Variants in CACNA1E observed in about 807,000 individuals in gnomAD.
CACNA1E encodes voltage-dependent R-type calcium channel subunit alpha-1E.
Under a neutral mutation model 259.2 loss-of-function variants are expected in CACNA1E, and 40 were observed. That is an observed-to-expected ratio of 0.15 (90% CI 0.12 to 0.20). The LOEUF (loss-of-function observed/expected upper bound fraction) is 0.20. Among genes scored for constraint, CACNA1E ranks in the 10% least tolerant of loss-of-function variants. CACNA1E has a pLI of 1.00. For missense variants in CACNA1E, 1,874 were observed against 3,040.1 expected (o/e 0.62, Z 9.02); for synonymous variants, 1,104 against 1,138.5 (o/e 0.97, Z 0.61).
chr1:181,700,759 A>G (rs1040413608), intron 7 of CACNA1E, among the ~76,000 whole-genome samples: 2 of 152,144 alleles, frequency 1.3e-5, no homozygotes, highest in Non-Finnish European at 2.9e-5. Flanking sequence ...ATCCCATCCC[A>G]TTTTAATTGC....
At chr1:181,564,778 T>C (rs1332539148) in intron 3 of CACNA1E, among the ~76,000 whole-genome samples, 1 of 152,252 alleles carries the variant, frequency 6.6e-6, no homozygotes, top group Non-Finnish European at 1.5e-5. Flanking sequence ...TCTTGATCCA[T>C]GGACTGCAGA....
chr1:181,608,541 G>A (rs1325063889), intron 6 of CACNA1E, among the ~76,000 whole-genome samples: 1 of 152,150 alleles, frequency 6.6e-6, no homozygotes, highest in Admixed American at 6.5e-5. Flanking sequence ...AGTAGAGGGA[G>A]GCAAGGAATG....
intron 3 of CACNA1E, among the ~76,000 whole-genome samples, chr1:181,541,402 G>A (rs1172083046): frequency 6.6e-6 from 1 of 151,964 alleles, no homozygotes; most frequent in East Asian, 1.9e-4. Flanking sequence ...AGGAGCTAGA[G>A]GTACTAGGAG....
chr1:181,377,923 G>C (rs2609493), intron 1 of CACNA1E, among the ~76,000 whole-genome samples: 78,817 of 152,130 alleles, frequency 0.52, 21,874 homozygotes, highest in African/African-American at 0.73. Context: ...ATTTATTGAA[G>C]CCTAACAATG....
intron 1 of CACNA1E, among the ~76,000 whole-genome samples, chr1:181,489,894 G>A (rs1421528762): frequency 6.6e-6 from 1 of 152,218 alleles, no homozygotes; most frequent in Non-Finnish European, 1.5e-5. Flanking sequence ...ATAGAAACAT[G>A]AGGGGCTTGG....
intron 2 of CACNA1E, among the ~76,000 whole-genome samples, chr1:181,423,053 C>T (rs1197252895): frequency 6.6e-6 from 1 of 152,212 alleles, no homozygotes; most frequent in Admixed American, 6.5e-5. Flanking sequence ...CCTTAGCCAA[C>T]CCCTATAAAA....
At chr1:181,671,656 A>G (rs1648810023) in intron 7 of CACNA1E, among the ~76,000 whole-genome samples, 1 of 152,170 alleles carries the variant, frequency 6.6e-6, no homozygotes, top group Non-Finnish European at 1.5e-5. Flanking sequence ...CCTACAGGAG[A>G]AATGATGCTT....
chr1:181,686,288 T>G (rs1025851538), intron 7 of CACNA1E, among the ~76,000 whole-genome samples: 1 of 132,422 alleles, frequency 7.6e-6, no homozygotes, highest in Non-Finnish European at 1.6e-5. Context: ...TTTTTTTTTT[T>G]TTTTTTTTTT....
chr1:181,607,483 T>C (rs1175754370), intron 6 of CACNA1E, among the ~76,000 whole-genome samples: 3 of 152,220 alleles, frequency 2.0e-5, no homozygotes, highest in African/African-American at 7.2e-5. Context: ...CACTGGTCTG[T>C]ATCCTTGCGA....
At chr1:181,757,651 A>G (rs866110155) in intron 30 of CACNA1E, among the ~76,000 whole-genome samples, 1 of 152,218 alleles carries the variant, frequency 6.6e-6, no homozygotes, top group Non-Finnish European at 1.5e-5. Context: ...TTTACTTCTG[A>G]CTAAGGACAT....
intron 1 of CACNA1E, among the ~76,000 whole-genome samples, chr1:181,332,195 C>T (rs1482685738): frequency 6.6e-6 from 1 of 152,144 alleles, no homozygotes; most frequent in Non-Finnish European, 1.5e-5. Context: ...AGGGGAGCAA[C>T]ACACACTGGG....
chr1:181,355,643 T>C (rs1653373191), intron 1 of CACNA1E, among the ~76,000 whole-genome samples: 1 of 151,368 alleles, frequency 6.6e-6, no homozygotes, highest in African/African-American at 2.4e-5. Context: ...AACCAGACAA[T>C]GAGTACAAAG....
chr1:181,706,537 T>A (rs760219123), intron 7 of CACNA1E, among the ~76,000 whole-genome samples: 11 of 152,246 alleles, frequency 7.2e-5, no homozygotes, highest in Admixed American at 3.3e-4. Flanking sequence ...TGACTAACGC[T>A]ATGAATTTTA....
At chr1:181,376,922 C>T (rs532883952) in intron 1 of CACNA1E, among the ~76,000 whole-genome samples, 2 of 152,264 alleles carry the variant, frequency 1.3e-5, no homozygotes, top group East Asian at 1.9e-4. Flanking sequence ...CAGCTCAGCT[C>T]CTCCTACCAT....
intron 2 of CACNA1E, among the ~76,000 whole-genome samples, chr1:181,424,794 ACT>A (rs1419148066): frequency 6.6e-6 from 1 of 151,726 alleles, no homozygotes; most frequent in Admixed American, 6.6e-5. Context: ...CTCCCCCAAG[ACT>A]CTGCAGCCTG....
upstream of CACNA1E, among the ~76,000 whole-genome samples, chr1:181,482,925 T>C (rs1663419362): frequency 2.0e-5 from 3 of 152,404 alleles, no homozygotes; most frequent in South Asian, 4.1e-4. Context: ...ATGCTGGCAC[T>C]CAGGCTTCGC....
At chr1:181,406,292 C>T (rs1285284537) in intron 1 of CACNA1E, among the ~76,000 whole-genome samples, 2 of 152,182 alleles carry the variant, frequency 1.3e-5, no homozygotes, top group Non-Finnish European at 2.9e-5. Flanking sequence ...AGTTATTTTA[C>T]ATAATAAAAA....
chr1:181,556,596 A>G (rs1421732570), intron 3 of CACNA1E, among the ~76,000 whole-genome samples: 2 of 152,222 alleles, frequency 1.3e-5, no homozygotes, highest in African/African-American at 4.8e-5. Flanking sequence ...CGTGCTACCC[A>G]GCAGGACCTT....
intron 1 of CACNA1E, among the ~76,000 whole-genome samples, chr1:181,323,548 C>T (rs761610702): frequency 6.6e-6 from 1 of 152,182 alleles, no homozygotes; most frequent in Non-Finnish European, 1.5e-5. Flanking sequence ...CTTCTATTAT[C>T]TTTCTCCCTC....
Sources: gnomAD v4.1 joint callset for allele counts (sites outside exome capture counted in the v4.1 genomes callset) on GRCh38, gnomAD v4.1.1 for gene constraint, MANE v1.5 for transcripts, NCBI Gene and HGNC (gene_info 2026-07-23, HGNC 2026-07-21) for gene names.